Variants in SCEL observed in about 807,000 individuals in gnomAD.
SCEL encodes the protein sciellin.
In SCEL, 113 loss-of-function variants were observed where a neutral mutation model predicts 117.6. The observed-to-expected ratio is 0.96, with a 90% CI of 0.83 to 1.12. The LOEUF is 1.12. SCEL is among the 50% of genes most tolerant of loss of function. The pLI is 0.00. For synonymous variants in SCEL, 270 were observed against 256.2 expected (o/e 1.05, Z -0.51); for missense variants, 785 against 810.8 (o/e 0.97, Z 0.39).
chr13:77,554,002 G>A (rs2084503933), intron 1 of SCEL, among the ~76,000 whole-genome samples: 1 of 152,144 alleles, frequency 6.6e-6, no homozygotes, highest in Non-Finnish European at 1.5e-5. Context: ...TAATGGTCAT[G>A]ATGAATACAT....
At chr13:77,600,819 C>T (rs925591290) in intron 15 of SCEL, among the ~76,000 whole-genome samples, 1 of 152,152 alleles carries the variant, frequency 6.6e-6, no homozygotes, top group African/African-American at 2.4e-5. Context: ...TTTGGTTAGT[C>T]ATGAAATTTG....
chr13:77,631,841 A>G (rs2090035905), intron 28 of SCEL, among the ~76,000 whole-genome samples: 2 of 152,248 alleles, frequency 1.3e-5, no homozygotes, highest in Admixed American at 6.5e-5. Context: ...ATGGGCTGCC[A>G]TAACAAAATA....
At chr13:77,563,927 G>T in intron 5 of SCEL, 28 bp downstream of exon 5, 1 of 1,405,426 alleles carries the variant, frequency 7.1e-7, no homozygotes, top group Non-Finnish European at 9.7e-7. Context: ...CATATAAATG[G>T]AATGCATAAC....
At chr13:77,539,814 G>C (rs918252789) in intron 1 of SCEL, among the ~76,000 whole-genome samples, 6 of 152,262 alleles carry the variant, frequency 3.9e-5, no homozygotes, top group Non-Finnish European at 7.4e-5. Flanking sequence ...GATTACAGGC[G>C]TGAGCCACTG....
At chr13:77,607,996 G>C in intron 19 of SCEL, 60 bp from the exon 20 acceptor site, 2 of 1,296,420 alleles carry the variant, frequency 1.5e-6, no homozygotes, top group South Asian at 1.3e-5. Context: ...TTATCTTCTT[G>C]TTGTCAGTCT....
At chr13:77,581,433 A>G (rs1179249037) in intron 9 of SCEL, among the ~76,000 whole-genome samples, 2 of 152,178 alleles carry the variant, frequency 1.3e-5, no homozygotes, top group Non-Finnish European at 2.9e-5. Context: ...TCCTAACACT[A>G]GTTTGAAGTA....
intron 3 of SCEL, among the ~76,000 whole-genome samples, chr13:77,557,916 A>C (rs1299363669): frequency 1.3e-5 from 2 of 152,206 alleles, no homozygotes; most frequent in African/African-American, 4.8e-5. Context: ...TGTGAATGTT[A>C]AATTTAAAAT....
intron 5 of SCEL, among the ~76,000 whole-genome samples, chr13:77,567,053 A>G (rs1348423266): frequency 6.6e-6 from 1 of 152,250 alleles, no homozygotes; most frequent in Admixed American, 6.5e-5. Flanking sequence ...TTTTACTGAC[A>G]TAGGAAGTAC....
chr13:77,595,421 G>A (rs2087166059), intron 12 of SCEL, among the ~76,000 whole-genome samples: 1 of 152,172 alleles, frequency 6.6e-6, no homozygotes, highest in African/African-American at 2.4e-5. Flanking sequence ...AATATCCAAA[G>A]CTTTCATCAA....
In SCEL at chr13:77,593,852, A is replaced by G. The variant is rs190822784; in HGVS notation, c.752+279A>G. On this transcript the variant is annotated intron_variant, in intron 12 of 32. Coordinates refer to ENST00000349847, the MANE Select transcript of SCEL (RefSeq NM_144777.3). ...CCTCATTCCAAATATCCAGTCCTGT[A>G]TTTATGTTGCTGGTCCAGATCTCCA... 3.3e-5 allele frequency among the ~76,000 whole-genome samples: 5 copies of G among 151,980 alleles called. No homozygotes were observed. The East Asian group carries it at 9.7e-4, about 29-fold the overall frequency.
intron 12 of SCEL, among the ~76,000 whole-genome samples, chr13:77,595,919 G>C (rs1332447230): frequency 6.6e-6 from 1 of 152,186 alleles, no homozygotes; most frequent in Non-Finnish European, 1.5e-5. Context: ...AGCTATTCTT[G>C]CTATAGTGTC....
intron 5 of SCEL, among the ~76,000 whole-genome samples, chr13:77,564,211 G>A (rs915669191): frequency 1.5e-4 from 22 of 142,764 alleles, no homozygotes; most frequent in Non-Finnish European, 2.1e-4. Context: ...TTTTTTTTGC[G>A]AATATGTATA....
intron 4 of SCEL, 94 bp downstream of exon 4, chr13:77,559,957 G>T (rs1365597567): frequency 9.4e-7 from 1 of 1,062,978 alleles, no homozygotes; most frequent in Non-Finnish European, 1.4e-6. Context: ...TTTGCAGCAT[G>T]CCTTGGGCTT....
At position 77,640,740 on chromosome 13, in the gene SCEL, A is replaced by G. The variant is rs1180696764; in HGVS notation, c.1903A>G (p.Ile635Val). 6.2e-7 allele frequency: 1 copy of G among 1,606,294 alleles called. No homozygotes were observed. The highest frequency in any genetic ancestry group is 2.2e-5 in the East Asian group (1 of 44,574). The change falls in exon 31 of 33, where the codon ATT becomes GTT. Residue 635 changes from isoleucine (I) to valine (V), a missense_variant. Physicochemically the swap from Ile to Val is conservative, Grantham distance 29 (BLOSUM62 3). Coordinates refer to ENST00000349847, the MANE Select transcript of SCEL (RefSeq NM_144777.3). Reference protein sequence around the residue: ...RKPLGVETKMILDELQICCHS... With the variant: ...RKPLGVETKMVLDELQICCHS... ...ACCCTTGGGTGTAGAAACTAAAATG[A>G]TTTTAGATGAATTACAAATTTGCTG...
At chr13:77,621,419 C>A (rs1407331116) in intron 27 of SCEL, among the ~76,000 whole-genome samples, 1 of 152,190 alleles carries the variant, frequency 6.6e-6, no homozygotes, top group African/African-American at 2.4e-5. Flanking sequence ...CTAACTTCTA[C>A]TTATCCTTTA....
intron 30 of SCEL, among the ~76,000 whole-genome samples, chr13:77,638,910 T>C (rs1326337954): frequency 2.0e-5 from 3 of 152,072 alleles, no homozygotes; most frequent in African/African-American, 7.2e-5. Context: ...TTGAGAGCTC[T>C]TTCCTCTTCA....
chr13:77,565,093 G>C (rs2085213809), intron 5 of SCEL, among the ~76,000 whole-genome samples: 1 of 152,156 alleles, frequency 6.6e-6, no homozygotes, highest in Admixed American at 6.5e-5. Flanking sequence ...CTCAAGTAAG[G>C]TGGAAAACCT....
intron 1 of SCEL, among the ~76,000 whole-genome samples, chr13:77,550,407 T>C (rs905653129): frequency 6.8e-6 from 1 of 147,904 alleles, no homozygotes; most frequent in East Asian, 2.0e-4. Context: ...TATATATATA[T>C]ATATATTATA....
Position 77,546,721 on chromosome 13 carries a change from G to A in SCEL, c.-19-9136G>A, listed in dbSNP as rs1296494900. Among the ~76,000 whole-genome samples, 10 of 151,720 alleles carry A rather than the reference G, an allele frequency of 6.6e-5. No individual in the cohort carries two copies. The East Asian group carries it at 7.7e-4, about 12-fold the overall frequency. On this transcript the variant is annotated intron_variant, in intron 1 of 32. Coordinates refer to ENST00000349847, the MANE Select transcript of SCEL (RefSeq NM_144777.3). The stretch of plus-strand genomic sequence containing the variant: ...AGGAAAAGAAATCTCTTAAACAAAC[G>A]AGGCGGTTTATTTTTCTCTTGGAAG...
Sources: gnomAD v4.1 joint callset for allele counts (sites outside exome capture counted in the v4.1 genomes callset) on GRCh38, gnomAD v4.1.1 for gene constraint, MANE v1.5 for transcripts, NCBI Gene and HGNC (gene_info 2026-07-23, HGNC 2026-07-21) for gene names.